Variants in GNG12 observed in about 807,000 individuals in gnomAD.
GNG12 encodes the protein G protein subunit gamma 12, also known as guanine nucleotide-binding protein G(I)/G(S)/G(O) subunit gamma-12.
For synonymous variants in GNG12, 28 were observed against 29.7 expected (o/e 0.94, Z 0.19); for missense variants, 69 against 83.8 (o/e 0.82, Z 0.69).
intron 2 of GNG12, among the ~76,000 whole-genome samples, chr1:67,732,453 T>C (rs1459231269): frequency 6.6e-6 from 1 of 152,234 alleles, no homozygotes; most frequent in Non-Finnish European, 1.5e-5. Context: ...CCCTTGGGTT[T>C]CTTATTTTAA....
chr1:67,705,280 T>G lies in GNG12; in HGVS notation c.*171A>C. ...TCTGTATTAAATCAGTAAAGGGTAT[T>G]TTAAGAGAAAGGACAACTTGGAAAA... is the stretch of plus-strand genomic sequence containing the variant. On this transcript the variant is annotated 3_prime_UTR_variant, in exon 4 of 4. Transcript: ENST00000370982. 9.9e-7 allele frequency: 1 copy of G among 1,013,784 alleles called. No homozygotes were observed. The highest frequency in any genetic ancestry group is 1.4e-6 in the Non-Finnish European group (1 of 728,562). 62.8% of individuals were successfully genotyped at this position (1,013,784 alleles called of 1,614,324 possible). A position where few individuals can be genotyped will look rare whatever the true frequency, so the allele number is the denominator to read the frequency against.
At chr1:67,779,698 C>A (rs1027121268) in intron 1 of GNG12, among the ~76,000 whole-genome samples, 1 of 152,160 alleles carries the variant, frequency 6.6e-6, no homozygotes, top group Non-Finnish European at 1.5e-5. Context: ...AGTATTCATT[C>A]AATTCAAATG....
intron 1 of GNG12, among the ~76,000 whole-genome samples, chr1:67,818,352 C>T (rs1646965491): frequency 3.5e-5 from 5 of 144,706 alleles, no homozygotes; most frequent in Admixed American, 2.8e-4. Context: ...ATGTGAATCA[C>T]ATAGTGGGTG....
At chr1:67,745,206 T>A (rs1269509010) in intron 2 of GNG12, among the ~76,000 whole-genome samples, 1 of 152,242 alleles carries the variant, frequency 6.6e-6, no homozygotes, top group Non-Finnish European at 1.5e-5. Flanking sequence ...GGGTAATAGA[T>A]GTGTCATCAC....
chr1:67,826,724 G>A (rs933493390), intron 1 of GNG12, among the ~76,000 whole-genome samples: 5 of 152,158 alleles, frequency 3.3e-5, no homozygotes, highest in Admixed American at 6.5e-5. Flanking sequence ...AGTCCAAGAG[G>A]CTTTTAGATT....
rs865894939 is a variant in GNG12 at position 67,714,265 on chromosome 1, C to T, written c.-26-6553G>A. Among the ~76,000 whole-genome samples, 14 of 152,328 alleles carry T rather than the reference C, an allele frequency of 9.2e-5. No individual in the cohort carries two copies. The Middle Eastern group carries it at 0.01, about 111-fold the overall frequency. ...AGCATTTGCTGGTACACCTGCCAGG[C>T]CCTCTATTTGAACTTGTGGCACTGC... On this transcript the variant is annotated intron_variant, in intron 2 of 3. Coordinates refer to ENST00000370982, the MANE Select transcript of GNG12 (RefSeq NM_018841.6).
At chr1:67,732,588 C>A (rs1244015991) in intron 2 of GNG12, among the ~76,000 whole-genome samples, 2 of 152,252 alleles carry the variant, frequency 1.3e-5, no homozygotes, top group African/African-American at 2.4e-5. Flanking sequence ...CCATAGCTCA[C>A]TACAGCTAAT....
At position 67,833,418 on chromosome 1, in the gene GNG12, T is replaced by TCTC. The variant is rs897319092; in HGVS notation, c.-154_-152dup. On this transcript the variant is annotated 5_prime_UTR_variant, in exon 1 of 4. Transcript: ENST00000370982. Reference sequence around the variant, plus strand: ...AGGGCTCCTGGAGACGGCTCCGACCTCTCCTCCTCCTCCTCCTCTTGCTCC... The same window carrying TCTC: ...AGGGCTCCTGGAGACGGCTCCGACCTCTCCTCCTCCTCCTCCTCCTCTTGCTCC... The TCTC allele has an allele frequency of 1.9e-5, 19 of 983,958 alleles. No individual in the cohort carries two copies. Among genetic ancestry groups the TCTC allele is most frequent in the South Asian group, 1.4e-4 (3 of 21,236 alleles). 61.0% of individuals were successfully genotyped at this position (983,958 alleles called of 1,614,324 possible).
chr1:67,719,500 T>C (rs1222203327), intron 2 of GNG12, among the ~76,000 whole-genome samples: 2 of 152,176 alleles, frequency 1.3e-5, no homozygotes, highest in Non-Finnish European at 2.9e-5. Flanking sequence ...ACAAGATTTA[T>C]AGCCACCGTC....
intron 1 of GNG12, among the ~76,000 whole-genome samples, chr1:67,815,833 A>C (rs992448917): frequency 1.3e-5 from 2 of 152,134 alleles, no homozygotes; most frequent in Non-Finnish European, 2.9e-5. Context: ...TCAGCGGCCA[A>C]ATCCCGAGTT....
intron 1 of GNG12, among the ~76,000 whole-genome samples, chr1:67,787,750 C>T (rs1398122466): frequency 6.6e-6 from 1 of 152,202 alleles, no homozygotes; most frequent in Non-Finnish European, 1.5e-5. Context: ...TTATTCACAA[C>T]CCTAAGAGGA....
At chr1:67,715,063 C>T (rs1237796784) in intron 2 of GNG12, among the ~76,000 whole-genome samples, 1 of 152,154 alleles carries the variant, frequency 6.6e-6, no homozygotes, top group African/African-American at 2.4e-5. Context: ...GGATTACAGG[C>T]ACCCGCCACC....
intron 1 of GNG12, among the ~76,000 whole-genome samples, chr1:67,820,335 T>C (rs1247704107): frequency 2.0e-5 from 3 of 151,208 alleles, no homozygotes; most frequent in Admixed American, 2.0e-4. Context: ...GTTGCCAAGA[T>C]TGTGCCATTA....
intron 2 of GNG12, among the ~76,000 whole-genome samples, chr1:67,774,753 G>C (rs17130259): frequency 0.016 from 2,461 of 152,168 alleles, 78 homozygotes; most frequent in African/African-American, 0.056. Context: ...CTAGAACCTT[G>C]GGCTTGACTG....
At chr1:67,804,560 C>G (rs557579110) in intron 1 of GNG12, among the ~76,000 whole-genome samples, 1 of 152,162 alleles carries the variant, frequency 6.6e-6, no homozygotes, top group East Asian at 1.9e-4. Context: ...GTCACTCGCT[C>G]CTAACAACTA....
intron 2 of GNG12, among the ~76,000 whole-genome samples, chr1:67,737,775 A>G (rs1310958102): frequency 6.6e-6 from 1 of 152,184 alleles, no homozygotes; most frequent in Non-Finnish European, 1.5e-5. Context: ...GAGTGGTGCC[A>G]TTACATTTAA....
At chr1:67,748,407 T>TA (rs537380412) in intron 2 of GNG12, among the ~76,000 whole-genome samples, 567 of 152,200 alleles carry the variant, frequency 3.7e-3, no homozygotes, top group Middle Eastern at 6.8e-3. Context: ...ACATGCTTTA[T>TA]AAAAAAATAA....
rs767597583 is a variant in GNG12, at chr1:67,707,666, G to A, written c.21C>T (p.Ser7=). 6.2e-6 allele frequency: 10 copies of A among 1,603,886 alleles called. No individual in the cohort carries two copies. The highest frequency in any genetic ancestry group is 7.6e-6 in the Non-Finnish European group (9 of 1,176,512). MSSKTA[S]TNNIAQARRT... ...TCCTTGCCTGGGCTATATTGTTGGT[G>A]CTTGCTGTTTTGCTGGACATCTTCA... The change falls in exon 3 of 4, where the codon AGC becomes AGT. Residue 7 remains serine, a synonymous_variant. Coordinates refer to ENST00000370982, the MANE Select transcript of GNG12 (RefSeq NM_018841.6).
chr1:67,816,821 AAG>A (rs1180283542), intron 1 of GNG12, among the ~76,000 whole-genome samples: 1 of 152,190 alleles, frequency 6.6e-6, no homozygotes, highest in African/African-American at 2.4e-5. Flanking sequence ...GCAGGAGAAC[AAG>A]AGGTGTGGGG....
Sources: gnomAD v4.1 joint callset for allele counts (sites outside exome capture counted in the v4.1 genomes callset) on GRCh38, gnomAD v4.1.1 for gene constraint, MANE v1.5 for transcripts, NCBI Gene and HGNC (gene_info 2026-07-23, HGNC 2026-07-21) for gene names.